Variants in RPS10 observed in about 807,000 individuals in gnomAD.
RPS10 encodes the protein ribosomal protein S10.
A neutral mutation model predicts 22.6 loss-of-function variants in RPS10; 2 were observed. That is an observed-to-expected ratio of 0.09 (90% confidence interval 0.04 to 0.28). RPS10 has a LOEUF of 0.28. RPS10 is among the 10% of genes least tolerant of loss of function. The pLI, the probability that RPS10 is intolerant of heterozygous loss-of-function variation, is 1.00. For missense variants in RPS10, 137 were observed against 222.2 expected (o/e 0.62, Z 2.44); for synonymous variants, 70 against 75.9 (o/e 0.92, Z 0.40).
chr6:34,422,470 A>G (rs545863552), intron 3 of RPS10, among the ~76,000 whole-genome samples: 2 of 152,246 alleles, frequency 1.3e-5, no homozygotes, highest in African/African-American at 4.8e-5. Flanking sequence ...ACGTGCCACC[A>G]CGCACGGCTA....
intron 5 of RPS10, chr6:34,418,098 A>G (rs889239889): frequency 1.6e-6 from 2 of 1,272,514 alleles, no homozygotes; most frequent in African/African-American, 1.5e-5. Context: ...CCCACCTTCC[A>G]GTGTTTAGTT....
chr6:34,425,199 C>T lies in RPS10; in HGVS notation c.23G>A (p.Arg8Gln), dbSNP rs1320777912. ...AAAAAGGAGTTCATAAATGGCAATC[C>T]GGTTCTTCTTAGGCATCAACATCTG... The part of the protein sequence containing the change: MLMPKKN[R>Q]IAIYELLFKE... The change falls in exon 2 of 6, where the codon CGG becomes CAG. Residue 8 changes from arginine to glutamine, a missense_variant. By Grantham distance (43) the Arg-to-Gln change is conservative. Coordinates refer to ENST00000648437, the MANE Select transcript of RPS10 (RefSeq NM_001014.5). 9.3e-6 allele frequency: 15 copies of T among 1,612,090 alleles called. No individual in the cohort carries two copies. The highest frequency in any genetic ancestry group is 2.2e-5 in the East Asian group (1 of 44,876).
At chr6:34,424,904 C>A (rs1581931809) in intron 2 of RPS10, 64 bp from the exon 3 acceptor site, 1 of 1,610,692 alleles carries the variant, frequency 6.2e-7, no homozygotes, top group East Asian at 2.2e-5. Flanking sequence ...AGGCAAGTCT[C>A]CAGTCCCAGC....
At chr6:34,419,873 C>T (rs542629711) in intron 4 of RPS10, among the ~76,000 whole-genome samples, 3 of 152,154 alleles carry the variant, frequency 2.0e-5, no homozygotes, top group East Asian at 1.9e-4. Context: ...CCACCGCGCC[C>T]GGCCCTGATT....
At chr6:34,421,439 C>G (rs542486174) in intron 4 of RPS10, among the ~76,000 whole-genome samples, 4 of 127,390 alleles carry the variant, frequency 3.1e-5, no homozygotes, top group Admixed American at 1.5e-4. Context: ...CCACTTCGAC[C>G]CCCCCCCTCC....
chr6:34,417,578 A>G lies in RPS10; in HGVS notation c.457-31T>C, dbSNP rs779563260. ...AGAGAAAGCACATCACATCAGCATGAGCGGCACTCTGGTTTGATCTTTGGA... is the reference window on the plus strand; with the variant it reads ...AGAGAAAGCACATCACATCAGCATGGGCGGCACTCTGGTTTGATCTTTGGA... On this transcript the variant is annotated intron_variant, in intron 5 of 5. Coordinates refer to ENST00000648437, the MANE Select transcript of RPS10 (RefSeq NM_001014.5). 1.9e-6 allele frequency: 3 copies of G among 1,612,802 alleles called. No homozygotes were observed. The Admixed American group carries it at 5.0e-5, about 27-fold the overall frequency.
chr6:34,424,921 T>C, intron 2 of RPS10, 81 bp from the exon 3 acceptor site: 1 of 1,609,398 alleles, frequency 6.2e-7, no homozygotes, highest in Non-Finnish European at 8.5e-7. Flanking sequence ...CAGCCAGCCC[T>C]TCAAGTTAGC....
Position 34,425,020 on chromosome 6 carries a change from G to A in RPS10, c.150+52C>T, listed in dbSNP as rs145963878. On this transcript the variant is annotated intron_variant, in intron 2 of 5. Transcript: ENST00000648437. ...TCCATCCCATTCCATCCCATCCCGGGATGGGATCCCGGGGAGGAAGATCCA... is the reference window on the plus strand; with the variant it reads ...TCCATCCCATTCCATCCCATCCCGGAATGGGATCCCGGGGAGGAAGATCCA... 2,030 of 1,611,328 alleles carry A rather than the reference G, an allele frequency of 1.3e-3. 15 individuals are homozygous for A. Among genetic ancestry groups the A allele is most frequent in the South Asian group, 9.0e-3 (819 of 90,944 alleles).
intron 4 of RPS10, among the ~76,000 whole-genome samples, chr6:34,418,816 T>C (rs1029254807): frequency 6.6e-6 from 1 of 152,154 alleles, no homozygotes; most frequent in Non-Finnish European, 1.5e-5. Flanking sequence ...GCAGACAAGA[T>C]GCTGCCCGGT....
chr6:34,425,198 C>G lies in RPS10; in HGVS notation c.24G>C (p.Arg8=). The G allele has an allele frequency of 1.2e-6, 2 of 1,612,420 alleles. No individual in the cohort carries two copies. The highest frequency in any genetic ancestry group is 1.7e-6 in the Non-Finnish European group (2 of 1,179,414). The change falls in exon 2 of 6, where the codon CGG becomes CGC. Residue 8 remains arginine, a synonymous_variant. Transcript: ENST00000648437. ...TAAAAAGGAGTTCATAAATGGCAAT[C>G]CGGTTCTTCTTAGGCATCAACATCT... MLMPKKN[R]IAIYELLFKE...
intron 1 of RPS10, chr6:34,425,575 G>A (rs913121983): frequency 8.7e-6 from 3 of 344,538 alleles, no homozygotes; most frequent in Non-Finnish European, 1.7e-5. Flanking sequence ...GGAATCTCGC[G>A]GCTGTACCAT....
chr6:34,418,053 G>T (rs375937481), intron 5 of RPS10: 11 of 817,926 alleles, frequency 1.3e-5, no homozygotes, highest in South Asian at 8.9e-5. Flanking sequence ...AAAGATGGAG[G>T]ATTTGATTTC....
chr6:34,425,192 G>T lies in RPS10; in HGVS notation c.30C>A (p.Ala10=), dbSNP rs746719156. ...CCTCCTTAAAAAGGAGTTCATAAATGGCAATCCGGTTCTTCTTAGGCATCA... is the reference window on the plus strand; with the variant it reads ...CCTCCTTAAAAAGGAGTTCATAAATTGCAATCCGGTTCTTCTTAGGCATCA... MLMPKKNRI[A]IYELLFKEGV... The change falls in exon 2 of 6, where the codon GCC becomes GCA. Residue 10 remains alanine (A), a synonymous_variant. Transcript: ENST00000648437. 5.0e-6 allele frequency: 8 copies of T among 1,612,972 alleles called. No individual in the cohort carries two copies. In the East Asian group the frequency reaches 1.8e-4, roughly 36 times the overall value.
In RPS10 at chr6:34,420,611, A is replaced by AGTG. The variant is rs1289155247; in HGVS notation, c.400+1116_400+1118dup. On this transcript the variant is annotated intron_variant, in intron 4 of 5. Coordinates refer to ENST00000648437, the MANE Select transcript of RPS10 (RefSeq NM_001014.5). Reference sequence around the variant, plus strand: ...ACTACCCTGTATGGTACTCAGGTCAAGTGGTCACTTCTCCAAAAGATGACA... The same window carrying AGTG: ...ACTACCCTGTATGGTACTCAGGTCAAGTGGTGGTCACTTCTCCAAAAGATGACA... Among the ~76,000 whole-genome samples the AGTG allele has an allele frequency of 4.6e-5, 7 of 152,290 alleles. No homozygotes were observed. The East Asian group carries it at 1.3e-3, about 29-fold the overall frequency.
intron 3 of RPS10, among the ~76,000 whole-genome samples, chr6:34,422,035 G>C (rs982200940): frequency 2.0e-5 from 3 of 149,518 alleles, no homozygotes; most frequent in Non-Finnish European, 4.4e-5. Flanking sequence ...AAAAAAAAAG[G>C]CTTCCATTTT....
chr6:34,425,736 G>A (rs1765938008), intron 1 of RPS10: 1 of 169,996 alleles, frequency 5.9e-6, no homozygotes. Context: ...GGAGGCAGTC[G>A]GGGGAGTCCT....
chr6:34,424,435 G>A (rs533390993), intron 3 of RPS10: 31 of 552,436 alleles, frequency 5.6e-5, no homozygotes, highest in African/African-American at 5.3e-4. Context: ...GTTTGTACAG[G>A]TGTGGGTGAA....
chr6:34,418,586 T>C (rs962017111), intron 4 of RPS10, among the ~76,000 whole-genome samples, 162 bp from the exon 5 acceptor site: 1 of 152,162 alleles, frequency 6.6e-6, no homozygotes, highest in East Asian at 1.9e-4. Flanking sequence ...TGAGCCACCT[T>C]TGTCTCTCCT....
chr6:34,424,895 G>A (rs1038961572), intron 2 of RPS10, 55 bp from the exon 3 acceptor site: 10 of 1,612,262 alleles, frequency 6.2e-6, no homozygotes, highest in African/African-American at 5.3e-5. Context: ...GATCATCCTA[G>A]GCAAGTCTCC....
Sources: allele counts gnomAD v4.1 joint callset (sites outside exome capture counted in the v4.1 genomes callset), GRCh38; gene constraint gnomAD v4.1.1; transcripts MANE v1.5; gene names NCBI Gene and HGNC (gene_info 2026-07-23, HGNC 2026-07-21).